Variants in CCK observed in about 807,000 individuals in gnomAD.
CCK encodes cholecystokinin triacontatriapeptide.
In CCK, 11 loss-of-function variants were observed where a neutral mutation model predicts 10.1. The ratio of observed to expected loss-of-function variants is 1.09; its 90% CI spans 0.69 to 1.81. The LOEUF (loss-of-function observed/expected upper bound fraction) is 1.81. Among genes scored for constraint, CCK ranks in the 40% most tolerant of loss-of-function variants. The pLI is 0.00. For synonymous variants in CCK, 83 were observed against 71.9 expected (o/e 1.15, Z -0.78); for missense variants, 137 against 159.9 (o/e 0.86, Z 0.77).
rs1274843330 is a variant in CCK at position 42,263,634 on chromosome 3, T to A, written c.-2-2A>T. On this transcript the variant is annotated splice_acceptor_variant, in intron 3 of 4. Coordinates refer to ENST00000396169, the MANE Select transcript of CCK (RefSeq NM_000729.6). LOFTEE classifies it low-confidence loss of function (5UTR_SPLICE). Reference sequence around the variant, plus strand: ...ACAGGCACACGCCGCTGTTCATGGCTGTAGCGAGCAAAGGAGGAGGGCGCG... The same window carrying A: ...ACAGGCACACGCCGCTGTTCATGGCAGTAGCGAGCAAAGGAGGAGGGCGCG... 6.4e-7 allele frequency: 1 copy of A among 1,569,742 alleles called. No individual in the cohort carries two copies. The highest frequency in any genetic ancestry group is 2.3e-5 in the East Asian group (1 of 43,606).
chr3:42,263,241 A>G, intron 4 of CCK, 176 bp downstream of exon 4: 2 of 934,224 alleles, frequency 2.1e-6, no homozygotes, highest in Non-Finnish European at 1.7e-6. Context: ...CCCCTTACTT[A>G]TAAATTAAGT....
chr3:42,263,574 C>A lies in CCK; in HGVS notation c.57G>T (p.Leu19=), dbSNP rs755734391. 30 of 1,598,264 alleles carry A rather than the reference C, an allele frequency of 1.9e-5. No individual in the cohort carries two copies. Among genetic ancestry groups the A allele is most frequent in the Middle Eastern group, 3.4e-4 (2 of 5,918 alleles). ...GATCTGCGGGAGGCACCGGCTGCGT[C>A]AGGGCGCCAGCCGCCAGTACCGCCA... ...VLMAVLAAGA[L]TQPVPPADPA... Residue 19 remains leucine, a synonymous_variant, in exon 4 of 5, where the codon CTG becomes CTT. Transcript: ENST00000396169.
rs11559016 is a variant in CCK, at chr3:42,258,132, C to T, written c.314G>A (p.Arg105His). 3.3e-5 allele frequency: 53 copies of T among 1,614,006 alleles called. No homozygotes were observed. The Admixed American group carries it at 4.0e-4, about 12-fold the overall frequency. The change falls in exon 5 of 5, where the codon CGT (arginine) becomes CAT (histidine). Residue 105 changes from arginine to histidine, a missense_variant. Arg to His is a conservative substitution (Grantham distance 29). Coordinates refer to ENST00000396169, the MANE Select transcript of CCK (RefSeq NM_000729.6). ...GTACTCATACTCCTCGGCACTGCGA[C>T]GGCCAAAATCCATCCAGCCCATGTA... ...RDYMGWMDFG[R>H]RSAEEYEYPS
chr3:42,261,970 C>T (rs928255185), intron 4 of CCK, among the ~76,000 whole-genome samples: 11 of 152,168 alleles, frequency 7.2e-5, no homozygotes, highest in South Asian at 2.1e-4. Context: ...TTCCCAAAGA[C>T]AGGAAGAAAT....
rs1023716994 is a variant in CCK, at chr3:42,263,525, C to A, written c.106G>T (p.Ala36Ser). Residue 36 changes from alanine (A) to serine (S), a missense_variant, in exon 4 of 5, where the codon GCA becomes TCA. Ala to Ser is a moderately conservative substitution (Grantham distance 99). Transcript: ENST00000396169. The stretch of plus-strand genomic sequence containing the variant: ...AGCTGCCTACGGGGCGCCTCCTCTG[C>A]CCGCTGCAGCCCGGAGCCCGCGGGA... ...ADPAGSGLQR[A>S]EEAPRRQLRV... is the part of the protein sequence containing the mutation. 4.3e-6 allele frequency: 7 copies of A among 1,613,218 alleles called. No individual in the cohort carries two copies. The highest frequency in any genetic ancestry group is 5.9e-6 in the Non-Finnish European group (7 of 1,179,672).
At position 42,263,460 on chromosome 3, in the gene CCK, G is replaced by A. The variant is rs554073050; in HGVS notation, c.171C>T (p.His57=). ...SQRTDGESRA[H]LGALLARYIQ... The stretch of plus-strand genomic sequence containing the variant: ...TGTATCTTGCCAGCAGGGCGCCCAG[G>A]TGCGCTCGGGACTCGCCATCCGTTC... Residue 57 remains histidine, a synonymous_variant, in exon 4 of 5, where the codon CAC becomes CAT. Coordinates refer to ENST00000396169, the MANE Select transcript of CCK (RefSeq NM_000729.6). The A allele has an allele frequency of 1.7e-5, 27 of 1,614,148 alleles. No individual in the cohort carries two copies. Among genetic ancestry groups the A allele is most frequent in the Non-Finnish European group, 2.1e-5 (25 of 1,179,998 alleles).
chr3:42,258,256 A>G (rs761564421), intron 4 of CCK, 25 bp from the exon 5 acceptor site: 2 of 1,603,146 alleles, frequency 1.2e-6, no homozygotes, highest in Non-Finnish European at 1.7e-6. Flanking sequence ...GAGGAAGGAA[A>G]CAGGGACATT....
intron 4 of CCK, among the ~76,000 whole-genome samples, chr3:42,260,972 T>C (rs1711202454): frequency 6.6e-6 from 1 of 152,200 alleles, no homozygotes; most frequent in Non-Finnish European, 1.5e-5. Context: ...CTCAGGCTTT[T>C]AGAGCCCCAG....
intron 4 of CCK, among the ~76,000 whole-genome samples, chr3:42,262,803 T>G (rs1262910262): frequency 6.6e-6 from 1 of 152,194 alleles, no homozygotes; most frequent in Non-Finnish European, 1.5e-5. Flanking sequence ...ACTTTGATGC[T>G]GAGAAAACTG....
chr3:42,260,359 G>A (rs1411614429), intron 4 of CCK, among the ~76,000 whole-genome samples: 1 of 152,148 alleles, frequency 6.6e-6, no homozygotes, highest in Non-Finnish European at 1.5e-5. Flanking sequence ...CTGTGATGAT[G>A]AGTGCCCACT....
At chr3:42,259,201 G>C (rs1410271968) in intron 4 of CCK, among the ~76,000 whole-genome samples, 1 of 151,988 alleles carries the variant, frequency 6.6e-6, no homozygotes, top group African/African-American at 2.4e-5. Context: ...AGGGCCTATC[G>C]GGGGGTGGGG....
At chr3:42,258,891 G>C (rs1711174730) in intron 4 of CCK, among the ~76,000 whole-genome samples, 1 of 152,140 alleles carries the variant, frequency 6.6e-6, no homozygotes, top group Non-Finnish European at 1.5e-5. Context: ...CTGCTATAAA[G>C]ACACATGCAC....
At chr3:42,261,608 C>CTTTTTTTTTTTT (rs3073696) in intron 4 of CCK, among the ~76,000 whole-genome samples, 1 of 145,620 alleles carries the variant, frequency 6.9e-6, no homozygotes, top group African/African-American at 2.5e-5. Context: ...TGGTAATGAG[C>CTTTTTTTTTTTT]TTTTTTTTTT....
chr3:42,264,667 GA>G (rs1458073483), intron 3 of CCK, 29 bp downstream of exon 3: 2 of 152,218 alleles, frequency 1.3e-5, no homozygotes, highest in Admixed American at 6.5e-5. Flanking sequence ...ACGACACTTG[GA>G]TCCCCCGCTG....
intron 4 of CCK, 97 bp downstream of exon 4, chr3:42,263,320 G>GAGGT (rs1269700680): frequency 6.4e-7 from 1 of 1,570,562 alleles, no homozygotes; most frequent in Non-Finnish European, 8.8e-7. Context: ...CCTACCGAGA[G>GAGGT]AGGTCATCCC....
chr3:42,258,096 C>G lies in CCK; in HGVS notation c.*2G>C, dbSNP rs1425008141. The G allele has an allele frequency of 6.2e-7, 1 of 1,610,682 alleles. No homozygotes were observed. The highest frequency in any genetic ancestry group is 1.1e-5 in the South Asian group (1 of 90,240). On this transcript the variant is annotated 3_prime_UTR_variant, in exon 5 of 5. Transcript: ENST00000396169. ...CCGTTGGGCTGATGGCGGCTGGGTCCTCTAGGAGGGGTACTCATACTCCTC... is the reference window on the plus strand; with the variant it reads ...CCGTTGGGCTGATGGCGGCTGGGTCGTCTAGGAGGGGTACTCATACTCCTC...
Position 42,258,248 on chromosome 3 carries a change from G to A in CCK, c.215-17C>T, listed in dbSNP as rs760352276. The A allele has an allele frequency of 1.9e-6, 3 of 1,607,518 alleles. No individual in the cohort carries two copies. The highest frequency in any genetic ancestry group is 2.5e-6 in the Non-Finnish European group (3 of 1,178,342). On this transcript the variant is annotated splice_polypyrimidine_tract_variant and intron_variant, in intron 4 of 4. Coordinates refer to ENST00000396169, the MANE Select transcript of CCK (RefSeq NM_000729.6). ...CAGAAGGAGCTACAAGGAGCAGGGAGGAAGGAAACAGGGACATTGCATCTA... is the reference window on the plus strand; with the variant it reads ...CAGAAGGAGCTACAAGGAGCAGGGAAGAAGGAAACAGGGACATTGCATCTA...
intron 4 of CCK, 53 bp downstream of exon 4, chr3:42,263,364 C>T (rs1711242105): frequency 6.2e-7 from 1 of 1,613,686 alleles, no homozygotes; most frequent in Non-Finnish European, 8.5e-7. Context: ...GGGTCAGCAT[C>T]GGGAGCCTGG....
chr3:42,264,639 A>G (rs936669867), intron 3 of CCK, 58 bp downstream of exon 3: 1 of 152,228 alleles, frequency 6.6e-6, no homozygotes, highest in African/African-American at 2.4e-5. Flanking sequence ...AGCTGAAGAC[A>G]GCATCCTTCA....
Sources: allele counts gnomAD v4.1 joint callset (sites outside exome capture counted in the v4.1 genomes callset), GRCh38; gene constraint gnomAD v4.1.1; transcripts MANE v1.5; gene names NCBI Gene and HGNC (gene_info 2026-07-23, HGNC 2026-07-21).